KIF6: variants seen among roughly 807,000 people sequenced by gnomAD.
KIF6 encodes kinesin-like protein KIF6.
A neutral mutation model predicts 112.7 loss-of-function variants in KIF6; 106 were observed. The observed-to-expected ratio is 0.94, with a 90% CI of 0.80 to 1.11. The LOEUF (loss-of-function observed/expected upper bound fraction) is 1.11, where lower values mean the gene tolerates loss of function less well. KIF6 is among the 50% of genes least tolerant of loss of function. The pLI, the probability that KIF6 is intolerant of heterozygous loss-of-function variation, is 0.00. For missense variants in KIF6, 929 were observed against 964.0 expected, an observed-to-expected ratio of 0.96 and a Z score of 0.48; for synonymous variants, 339 against 339.9, an observed-to-expected ratio of 1.00 and a Z score of 0.03.
chr6:39,617,804 T>C (rs1005110821), intron 5 of KIF6: 2 of 451,722 alleles, frequency 4.4e-6, no homozygotes, highest in African/African-American at 2.0e-5. Flanking sequence ...GTGGGCCTCA[T>C]GACAATGGGT....
At chr6:39,366,095 TG>T (rs1169965136) in intron 16 of KIF6, among the ~76,000 whole-genome samples, 5 of 152,212 alleles carry the variant, frequency 3.3e-5, no homozygotes, top group African/African-American at 1.2e-4. Flanking sequence ...TGGAAGTGTG[TG>T]GGGTGCTCGG....
intron 15 of KIF6, among the ~76,000 whole-genome samples, chr6:39,415,276 C>T (rs1198172084): frequency 4.5e-5 from 6 of 133,990 alleles, no homozygotes; most frequent in Non-Finnish European, 6.1e-5. Context: ...GAAGACCAAT[C>T]GCCAATACAG....
chr6:39,394,613 T>C (rs142480428), intron 15 of KIF6, among the ~76,000 whole-genome samples: 3 of 152,296 alleles, frequency 2.0e-5, no homozygotes, highest in Non-Finnish European at 4.4e-5. Context: ...TCTTCCCTTG[T>C]TGAGGTCAGG....
In KIF6 at chr6:39,671,028, C is replaced by A. The variant is rs879810159; in HGVS notation, c.252-31271G>T. Among the ~76,000 whole-genome samples the A allele has an allele frequency of 1.3e-4, 20 of 152,288 alleles. 1 individual carries two copies. The Middle Eastern group carries it at 0.02, about 155-fold the overall frequency. ...TATTTTGCACCTGTCACATACAAAG[C>A]ACTTTGATAATTACTGTGGGAATAT... On this transcript the variant is annotated intron_variant, in intron 3 of 22. Transcript: ENST00000287152.
chr6:39,460,853 G>A (rs980398210), intron 13 of KIF6, among the ~76,000 whole-genome samples: 1 of 152,066 alleles, frequency 6.6e-6, no homozygotes, highest in African/African-American at 2.4e-5. Context: ...GTCCAAATGC[G>A]GTTTGTCTTT....
chr6:39,625,670 A>G (rs1433451920), intron 5 of KIF6, among the ~76,000 whole-genome samples: 1 of 152,144 alleles, frequency 6.6e-6, no homozygotes, highest in African/African-American at 2.4e-5. Flanking sequence ...CACAAATGAA[A>G]CATGTAATGC....
intron 6 of KIF6, among the ~76,000 whole-genome samples, chr6:39,606,625 T>A (rs1782904666): frequency 2.0e-5 from 3 of 152,148 alleles, no homozygotes; most frequent in Non-Finnish European, 4.4e-5. Flanking sequence ...CATGAATAGG[T>A]CTGGGATGGC....
intron 1 of KIF6, among the ~76,000 whole-genome samples, chr6:39,723,261 G>A (rs1411837707): frequency 1.3e-5 from 2 of 152,130 alleles, no homozygotes; most frequent in Non-Finnish European, 2.9e-5. Context: ...ATCATGAGAT[G>A]CTATGATATT....
chr6:39,495,271 A>G (rs1439671734), intron 13 of KIF6, among the ~76,000 whole-genome samples: 3 of 152,220 alleles, frequency 2.0e-5, no homozygotes, highest in African/African-American at 7.2e-5. Flanking sequence ...AGAATGGGGC[A>G]GACACATGAT....
intron 13 of KIF6, among the ~76,000 whole-genome samples, chr6:39,525,371 G>A (rs1430407064): frequency 6.6e-6 from 1 of 152,158 alleles, no homozygotes; most frequent in East Asian, 1.9e-4. Flanking sequence ...GTGTTTGAAT[G>A]GAGGTTTGAA....
chr6:39,537,601 T>C (rs1280383221), intron 13 of KIF6, among the ~76,000 whole-genome samples: 1 of 152,046 alleles, frequency 6.6e-6, no homozygotes, highest in Non-Finnish European at 1.5e-5. Context: ...TCCATGCTCA[T>C]GGGTAGGAAG....
intron 13 of KIF6, among the ~76,000 whole-genome samples, chr6:39,449,850 C>T (rs1341734780): frequency 6.6e-6 from 1 of 152,164 alleles, no homozygotes; most frequent in East Asian, 1.9e-4. Flanking sequence ...TTCCTCTCTG[C>T]CCCCACAATC....
intron 13 of KIF6, among the ~76,000 whole-genome samples, chr6:39,539,726 T>A (rs1778677602): frequency 6.6e-6 from 1 of 152,226 alleles, no homozygotes; most frequent in African/African-American, 2.4e-5. Context: ...ATCAGCAATA[T>A]CTGATCTTAT....
At chr6:39,639,250 G>T (rs1784785435) in intron 4 of KIF6, among the ~76,000 whole-genome samples, 1 of 152,020 alleles carries the variant, frequency 6.6e-6, no homozygotes. Flanking sequence ...CCTGTTTAGT[G>T]TTTCAGTAGC....
chr6:39,552,584 T>C (rs1232484016), intron 10 of KIF6, among the ~76,000 whole-genome samples: 4 of 152,164 alleles, frequency 2.6e-5, no homozygotes, highest in Non-Finnish European at 4.4e-5. Context: ...CTCAGTTAAT[T>C]CAGAAAAGTG....
At chr6:39,705,088 A>G (rs530712907) in intron 3 of KIF6, among the ~76,000 whole-genome samples, 3 of 152,346 alleles carry the variant, frequency 2.0e-5, no homozygotes, top group African/African-American at 7.2e-5. Flanking sequence ...TCTGAGGAAG[A>G]TACTAACAAC....
chr6:39,629,633 G>A (rs990144992), intron 5 of KIF6, among the ~76,000 whole-genome samples: 5 of 151,916 alleles, frequency 3.3e-5, no homozygotes, highest in African/African-American at 7.3e-5. Context: ...TCCAGCCTGT[G>A]ACTTGCCTTT....
intron 3 of KIF6, among the ~76,000 whole-genome samples, chr6:39,685,379 A>G (rs941872612): frequency 6.6e-6 from 1 of 152,154 alleles, no homozygotes. Flanking sequence ...ATGACGTGGG[A>G]GAATGAGGCT....
chr6:39,669,088 G>A (rs1194299359), intron 3 of KIF6, among the ~76,000 whole-genome samples: 1 of 152,102 alleles, frequency 6.6e-6, no homozygotes, highest in East Asian at 1.9e-4. Flanking sequence ...GATAAAATAT[G>A]TTATCCTAAA....
Sources: allele counts gnomAD v4.1 joint callset (sites outside exome capture counted in the v4.1 genomes callset), GRCh38; gene constraint gnomAD v4.1.1; transcripts MANE v1.5; gene names NCBI Gene and HGNC (gene_info 2026-07-23, HGNC 2026-07-21).